The following USP47 variants were observed in gnomAD, a reference collection of about 807,000 sequenced individuals.
USP47 encodes the protein ubiquitin carboxyl-terminal hydrolase 47.
USP47 carries 35 observed loss-of-function variants against 165.1 expected under a neutral mutation model. That is an observed-to-expected ratio of 0.21 (90% CI 0.16 to 0.28). The LOEUF (loss-of-function observed/expected upper bound fraction) is 0.28. Ranked by LOEUF, USP47 falls within the 10% of genes least tolerant of loss-of-function variation. The pLI, the probability that USP47 is intolerant of heterozygous loss-of-function variation, is 1.00. For missense variants in USP47, 1,277 were observed against 1,607.4 expected (o/e 0.79, Z 3.52); for synonymous variants, 531 against 544.5 (o/e 0.98, Z 0.35).
At position 11,936,403 on chromosome 11, in the gene USP47, A is replaced by G; in HGVS notation, c.1970A>G (p.Asp657Gly). The G allele has an allele frequency of 1.9e-6, 3 of 1,610,774 alleles. No individual in the cohort carries two copies. The highest frequency in any genetic ancestry group is 2.5e-6 in the Non-Finnish European group (3 of 1,177,782). ...YLERSYEGEEDTPMGLLLGGV... is the reference protein window; with the variant it reads ...YLERSYEGEEGTPMGLLLGGV... Reference sequence around the variant, plus strand: ...GAACGGTCATATGAAGGAGAAGAAGATACACCAATGGGGCTTCTACTAGGT... The same window carrying G: ...GAACGGTCATATGAAGGAGAAGAAGGTACACCAATGGGGCTTCTACTAGGT... The change falls in exon 17 of 28, where the codon GAT becomes GGT. Residue 657 changes from aspartate to glycine, a missense_variant. Around this residue, in one of 4 missense-constraint regions of USP47, gnomAD observed 909 missense variants for 1,068.1 expected, o/e 0.85. Coordinates refer to ENST00000527733, the MANE Select transcript of USP47 (RefSeq NM_001282659.2).
At chr11:11,926,806 A>AT (rs1468926775) in intron 11 of USP47, among the ~76,000 whole-genome samples, 2 of 141,734 alleles carry the variant, frequency 1.4e-5, no homozygotes, top group Non-Finnish European at 3.1e-5. Flanking sequence ...TTGATTTGAG[A>AT]TGTCTTCTTT....
chr11:11,906,608 G>A (rs1231200899), intron 8 of USP47, among the ~76,000 whole-genome samples: 3 of 152,108 alleles, frequency 2.0e-5, no homozygotes, highest in East Asian at 1.9e-4. Context: ...TCTGGGTAGC[G>A]TAAGATCAAG....
At chr11:11,844,349 A>G (rs1848309380) in intron 1 of USP47, among the ~76,000 whole-genome samples, 1 of 152,076 alleles carries the variant, frequency 6.6e-6, no homozygotes, top group Non-Finnish European at 1.5e-5. Flanking sequence ...CTTAATTGGC[A>G]CTTTTGTGTG....
intron 1 of USP47, among the ~76,000 whole-genome samples, chr11:11,863,527 G>A (rs368618633): frequency 1.3e-5 from 2 of 152,202 alleles, no homozygotes; most frequent in East Asian, 3.9e-4. Flanking sequence ...AGTAAACAAC[G>A]TGAATTTTAA....
At chr11:11,889,860 A>G (rs766030248) in intron 3 of USP47, among the ~76,000 whole-genome samples, 10 of 152,180 alleles carry the variant, frequency 6.6e-5, no homozygotes, top group Non-Finnish European at 7.4e-5. Flanking sequence ...GAACAGACAC[A>G]TAGACCAATG....
intron 19 of USP47, 57 bp from the exon 20 acceptor site, chr11:11,942,278 G>A: frequency 6.7e-7 from 1 of 1,489,700 alleles, no homozygotes; most frequent in Middle Eastern, 1.8e-4. Context: ...TAATGATGAT[G>A]ATGAATGAGC....
At chr11:11,853,447 G>C (rs1848839787) in intron 1 of USP47, among the ~76,000 whole-genome samples, 1 of 152,220 alleles carries the variant, frequency 6.6e-6, no homozygotes, top group Non-Finnish European at 1.5e-5. Context: ...GTGCTTGGCA[G>C]TGATGGCAGA....
intron 1 of USP47, among the ~76,000 whole-genome samples, chr11:11,875,300 C>A (rs1202618368): frequency 6.6e-6 from 1 of 151,982 alleles, no homozygotes; most frequent in East Asian, 1.9e-4. Flanking sequence ...CATATACGAT[C>A]AATTTTAAAC....
chr11:11,865,457 T>C lies in USP47; in HGVS notation c.40-14720T>C, dbSNP rs543804410. Among the ~76,000 whole-genome samples, 3 of 152,282 alleles carry C rather than the reference T, an allele frequency of 2.0e-5. No homozygotes were observed. The South Asian group carries it at 6.2e-4, about 32-fold the overall frequency. ...GTTGGGCCCACCTAATTAGTTTTCA[T>C]TTCGGTTTTATCTGTTATTTATTTG... On this transcript the variant is annotated intron_variant, in intron 1 of 27. Transcript: ENST00000527733.
chr11:11,926,044 C>T (rs150539960), intron 11 of USP47, among the ~76,000 whole-genome samples: 1 of 152,130 alleles, frequency 6.6e-6, no homozygotes, highest in African/African-American at 2.4e-5. Flanking sequence ...ACATTGATCA[C>T]TTAGTCATGA....
At chr11:11,878,788 A>C (rs1850645371) in intron 1 of USP47, 1 of 152,150 alleles carries the variant, frequency 6.6e-6, no homozygotes, top group East Asian at 1.9e-4. Context: ...ATCTCTTGCA[A>C]ACCCAAAATT....
chr11:11,897,355 C>T (rs1175565084), intron 4 of USP47, among the ~76,000 whole-genome samples: 2 of 151,890 alleles, frequency 1.3e-5, no homozygotes, highest in African/African-American at 4.8e-5. Context: ...ATATAATCTC[C>T]ATGTGTACCT....
chr11:11,896,580 G>C (rs1310044367), intron 4 of USP47, among the ~76,000 whole-genome samples: 1 of 152,152 alleles, frequency 6.6e-6, no homozygotes, highest in Non-Finnish European at 1.5e-5. Context: ...TGTGTTACTT[G>C]TAAGTCATAC....
chr11:11,925,791 G>T (rs1854198423), intron 11 of USP47, among the ~76,000 whole-genome samples: 1 of 152,074 alleles, frequency 6.6e-6, no homozygotes, highest in Non-Finnish European at 1.5e-5. Context: ...AACAGAAGTG[G>T]TAAGAATGGG....
In USP47 at chr11:11,959,567, A is replaced by G. The variant is rs78432638; in HGVS notation, c.*3392A>G. On this transcript the variant is annotated 3_prime_UTR_variant, in exon 28 of 28. Transcript: ENST00000527733. ...ATTGTAGTTCCCATGGGGAAGAGGG[A>G]GGCTGTGATCATTTGGTTAGATACA... Among the ~76,000 whole-genome samples the G allele has an allele frequency of 4.3e-3, 654 of 152,312 alleles. 9 individuals carry two copies. Among genetic ancestry groups the G allele is most frequent in the African/African-American group, 0.015 (606 of 41,572 alleles).
chr11:11,957,366 CTAAA>C lies in USP47; in HGVS notation c.*1196_*1199del, dbSNP rs1439967827. The C allele has an allele frequency of 3.9e-5, 6 of 152,334 alleles. No homozygotes were observed. Among genetic ancestry groups the C allele is most frequent in the African/African-American group, 1.2e-4 (5 of 41,248 alleles). 9.4% of individuals were successfully genotyped at this position (152,334 alleles called of 1,614,324 possible). A position where few individuals can be genotyped will look rare whatever the true frequency, so the allele number is the denominator to read the frequency against. On this transcript the variant is annotated 3_prime_UTR_variant, in exon 28 of 28. Coordinates refer to ENST00000527733, the MANE Select transcript of USP47 (RefSeq NM_001282659.2). The stretch of plus-strand genomic sequence containing the variant: ...TTAGTATCAGCAAGTTTTTGCTTTG[CTAAA>C]TAAAAGTACTCAATGAACACAATTC...
intron 1 of USP47, among the ~76,000 whole-genome samples, chr11:11,861,100 T>TATTTC: frequency 6.6e-6 from 1 of 152,274 alleles, no homozygotes; most frequent in East Asian, 1.9e-4. Context: ...TATTTTATTT[T>TATTTC]ATTTTATTTT....
intron 2 of USP47, among the ~76,000 whole-genome samples, chr11:11,884,011 G>T (rs968247067): frequency 6.6e-6 from 1 of 151,838 alleles, no homozygotes; most frequent in Non-Finnish European, 1.5e-5. Flanking sequence ...TTTTGGTTGG[G>T]TTGCTTAGTA....
intron 3 of USP47, among the ~76,000 whole-genome samples, chr11:11,889,044 A>G (rs959146623): frequency 6.6e-6 from 1 of 152,154 alleles, no homozygotes; most frequent in African/African-American, 2.4e-5. Context: ...AATTGAAGGA[A>G]TATACTCAAA....
Sources: allele counts gnomAD v4.1 joint callset (sites outside exome capture counted in the v4.1 genomes callset), GRCh38; gene constraint gnomAD v4.1.1; regional missense constraint gnomAD v4.1.1; transcripts MANE v1.5; gene names NCBI Gene and HGNC (gene_info 2026-07-23, HGNC 2026-07-21).